The following RNF216 variants were observed in gnomAD, a reference collection of about 807,000 sequenced individuals.
RNF216 encodes the protein E3 ubiquitin-protein ligase RNF216.
A neutral mutation model predicts 110.8 loss-of-function variants in RNF216; 72 were observed. That is an observed-to-expected ratio of 0.65 (90% CI 0.54 to 0.79). The LOEUF is 0.79. Ranked by LOEUF, RNF216 falls within the 30% of genes least tolerant of loss-of-function variation. The pLI is 0.00. For synonymous variants in RNF216, 495 were observed against 407.5 expected, an observed-to-expected ratio of 1.21 and a Z score of -2.59; for missense variants, 1,342 against 1,141.2, an observed-to-expected ratio of 1.18 and a Z score of -2.54.
chr7:5,745,953 T>C (rs1036621139), intron 3 of RNF216, among the ~76,000 whole-genome samples: 8 of 150,702 alleles, frequency 5.3e-5, no homozygotes, highest in East Asian at 1.9e-4. Flanking sequence ...GAATGAAGCA[T>C]TGCCTGATGC....
intron 1 of RNF216, chr7:5,775,089 G>A (rs1796703479): frequency 6.6e-6 from 1 of 152,126 alleles, no homozygotes; most frequent in Non-Finnish European, 1.5e-5. Context: ...TAGCACAGTT[G>A]TTGAACGAGT....
intron 13 of RNF216, among the ~76,000 whole-genome samples, chr7:5,654,909 G>C (rs1452001724): frequency 6.6e-6 from 1 of 151,820 alleles, no homozygotes; most frequent in African/African-American, 2.4e-5. Context: ...ATTTTTATAA[G>C]AAACAAACCC....
At chr7:5,709,313 T>G (rs1185510845) in intron 13 of RNF216, among the ~76,000 whole-genome samples, 1 of 152,138 alleles carries the variant, frequency 6.6e-6, no homozygotes, top group Non-Finnish European at 1.5e-5. Flanking sequence ...GTTGGGAGCT[T>G]CCTCCCAATC....
At chr7:5,720,874 G>C (rs1292083105) in intron 9 of RNF216, among the ~76,000 whole-genome samples, 159 bp downstream of exon 9, 2 of 152,142 alleles carry the variant, frequency 1.3e-5, no homozygotes, top group African/African-American at 2.4e-5. Context: ...TAAGTATTAT[G>C]ACAAAATCCA....
intron 13 of RNF216, among the ~76,000 whole-genome samples, chr7:5,676,733 A>T (rs1049491116): frequency 5.9e-5 from 9 of 152,242 alleles, no homozygotes; most frequent in African/African-American, 2.2e-4. Flanking sequence ...CCGGCCTAAC[A>T]ACTGGGAGAG....
At chr7:5,712,032 C>T in intron 12 of RNF216, 193 bp from the exon 13 acceptor site, 2 of 581,442 alleles carry the variant, frequency 3.4e-6, no homozygotes, top group African/African-American at 1.9e-5. Context: ...AACATAAGCA[C>T]CACATGAGGT....
At chr7:5,698,315 C>T (rs1287905293) in intron 13 of RNF216, among the ~76,000 whole-genome samples, 2 of 151,842 alleles carry the variant, frequency 1.3e-5, no homozygotes, top group Non-Finnish European at 2.9e-5. Flanking sequence ...CAACACAGAA[C>T]CCCAGGCTTC....
intron 13 of RNF216, among the ~76,000 whole-genome samples, chr7:5,691,741 A>G (rs1212614815): frequency 6.6e-6 from 1 of 152,202 alleles, no homozygotes; most frequent in Non-Finnish European, 1.5e-5. Context: ...AACTCTAGAC[A>G]CCGGAGAGTT....
intron 13 of RNF216, among the ~76,000 whole-genome samples, chr7:5,710,905 T>C (rs1475267300): frequency 6.6e-6 from 1 of 152,220 alleles, no homozygotes. Context: ...TTGTGACAAT[T>C]GTTATAGCAA....
chr7:5,740,776 G>A (rs965450499), intron 4 of RNF216, among the ~76,000 whole-genome samples, 197 bp downstream of exon 4: 9 of 151,934 alleles, frequency 5.9e-5, no homozygotes, highest in African/African-American at 2.2e-4. Flanking sequence ...CTTCCTGAAG[G>A]TTAAGTATAG....
intron 2 of RNF216, among the ~76,000 whole-genome samples, chr7:5,757,425 T>TGC (rs1236512260): frequency 6.6e-6 from 1 of 151,946 alleles, no homozygotes; most frequent in African/African-American, 2.4e-5. Flanking sequence ...TGTGTGTGTG[T>TGC]GGCTATCTGC....
At chr7:5,625,413 G>C (rs1445426274) in intron 15 of RNF216, among the ~76,000 whole-genome samples, 2 of 152,186 alleles carry the variant, frequency 1.3e-5, no homozygotes, top group Admixed American at 6.5e-5. Flanking sequence ...TTTGCTGTGG[G>C]TTGGAATATT....
chr7:5,682,702 G>A (rs1212918774), intron 13 of RNF216, among the ~76,000 whole-genome samples: 2 of 152,086 alleles, frequency 1.3e-5, no homozygotes, highest in Non-Finnish European at 2.9e-5. Flanking sequence ...CTCTGCGCTC[G>A]GCTGACATTT....
intron 1 of RNF216, among the ~76,000 whole-genome samples, chr7:5,771,257 A>G (rs1796480619): frequency 6.6e-6 from 1 of 152,198 alleles, no homozygotes; most frequent in Non-Finnish European, 1.5e-5. Flanking sequence ...TTACACAAAA[A>G]CAATTTTAGA....
intron 5 of RNF216, among the ~76,000 whole-genome samples, chr7:5,736,055 T>C (rs965399942): frequency 6.6e-6 from 1 of 151,830 alleles, no homozygotes; most frequent in African/African-American, 2.4e-5. Flanking sequence ...ATCACACCAC[T>C]GCACTCTAGC....
chr7:5,771,207 A>G (rs762021113), intron 1 of RNF216, among the ~76,000 whole-genome samples: 15 of 152,188 alleles, frequency 9.9e-5, no homozygotes, highest in African/African-American at 1.2e-4. Flanking sequence ...AAAGCCATAT[A>G]TGGGGTGGGA....
chr7:5,684,181 C>T (rs1008577066), intron 13 of RNF216, among the ~76,000 whole-genome samples: 10 of 141,994 alleles, frequency 7.0e-5, no homozygotes, highest in Non-Finnish European at 1.3e-4. Context: ...TGGCTCACTG[C>T]AAGCTCCACC....
Position 5,624,214 on chromosome 7 carries a change from T to C in RNF216, c.2383-89A>G, listed in dbSNP as rs1786568794. On this transcript the variant is annotated intron_variant, in intron 15 of 16. Coordinates refer to ENST00000389902, the MANE Select transcript of RNF216 (RefSeq NM_207111.4). The surrounding 1 kb of genome is among the most constrained non-coding windows in gnomAD (Gnocchi z 4.4). ...CAGTGAGGAGGCCGCTTGTTGCTTA[T>C]GGCCATGGAACAAGCCCGAAGCCTG... 7 of 1,115,746 alleles carry C rather than the reference T, an allele frequency of 6.3e-6. No individual in the cohort carries two copies. In the East Asian group the frequency reaches 7.2e-5, roughly 11 times the overall value. 69.1% of individuals were successfully genotyped at this position (1,115,746 alleles called of 1,614,324 possible).
intron 14 of RNF216, among the ~76,000 whole-genome samples, chr7:5,648,101 T>C (rs1788157700): frequency 6.7e-6 from 1 of 149,560 alleles, no homozygotes; most frequent in Non-Finnish European, 1.5e-5. Context: ...ATCAAGCCTT[T>C]AGCTCTATTT....
Sources: allele counts gnomAD v4.1 joint callset (sites outside exome capture counted in the v4.1 genomes callset), GRCh38; gene constraint gnomAD v4.1.1; non-coding constraint Gnocchi (gnomAD v3.1); transcripts MANE v1.5; gene names NCBI Gene and HGNC (gene_info 2026-07-23, HGNC 2026-07-21).